Variants in EPG5 observed in about 807,000 individuals in gnomAD.
EPG5 encodes ectopic P granules protein 5 homolog.
In EPG5, 159 loss-of-function variants were observed where a neutral mutation model predicts 302.7. That is an observed-to-expected ratio of 0.53 (90% CI 0.46 to 0.60). EPG5 has a LOEUF of 0.60. EPG5 is among the 20% of genes least tolerant of loss of function. The pLI is 0.00. For missense variants in EPG5, 2,896 were observed against 3,092.4 expected (o/e 0.94, Z 1.51); for synonymous variants, 1,158 against 1,136.8 (o/e 1.02, Z -0.37).
chr18:45,899,050 G>A lies in EPG5; in HGVS notation c.4809+354C>T, dbSNP rs180942561. ...TGGGGCAGGAGAATCACTTGAACCC[G>A]GGAGGTGGAGGTTGCAGTGAGCCAA... is the stretch of plus-strand genomic sequence containing the variant. On this transcript the variant is annotated intron_variant, in intron 27 of 43. Transcript: ENST00000282041. Among the ~76,000 whole-genome samples the A allele has an allele frequency of 8.9e-3, 1,362 of 152,202 alleles. 11 individuals are homozygous for A. Among genetic ancestry groups the A allele is most frequent in the Non-Finnish European group, 0.015 (1,038 of 67,996 alleles).
intron 11 of EPG5, among the ~76,000 whole-genome samples, chr18:45,934,568 G>C (rs1427308982): frequency 6.6e-6 from 1 of 152,198 alleles, no homozygotes; most frequent in Non-Finnish European, 1.5e-5. Context: ...CTTCCTAAAA[G>C]TTAGAATATT....
At chr18:45,920,494 T>C (rs1339262456) in intron 16 of EPG5, among the ~76,000 whole-genome samples, 1 of 152,176 alleles carries the variant, frequency 6.6e-6, no homozygotes, top group Admixed American at 6.5e-5. Context: ...AAAGGCTTAT[T>C]TGAGTCATAA....
At chr18:45,805,898 T>C in the EPG5 span, among the ~76,000 whole-genome samples, 1 of 152,194 alleles carries the variant, frequency 6.6e-6, no homozygotes, top group Non-Finnish European at 1.5e-5. Flanking sequence ...CAACCATAGA[T>C]TTTTGTAGAG....
At chr18:45,884,481 C>A (rs775816682) in intron 30 of EPG5, 136 bp downstream of exon 30, 48 of 698,078 alleles carry the variant, frequency 6.9e-5, no homozygotes, top group Admixed American at 4.3e-4. Flanking sequence ...GAAGCTCATG[C>A]AAACTGTGAA....
the EPG5 span, chr18:45,825,603 G>T: frequency 3.3e-6 from 3 of 919,308 alleles, no homozygotes; most frequent in East Asian, 5.3e-5. Context: ...GAGCCCACAG[G>T]GACCTGCAGA....
intron 23 of EPG5, 132 bp from the exon 24 acceptor site, chr18:45,908,213 C>A: frequency 1.5e-6 from 1 of 650,892 alleles, no homozygotes; most frequent in South Asian, 2.6e-5. Context: ...ATGTGGCCAA[C>A]AACCACCACG....
In EPG5 at chr18:45,870,547, GC is replaced by G. The variant is rs780884400; in HGVS notation, c.6225+19del. The G allele has an allele frequency of 6.2e-7, 1 of 1,608,190 alleles. No individual in the cohort carries two copies. The highest frequency in any genetic ancestry group is 8.5e-7 in the Non-Finnish European group (1 of 1,175,710). On this transcript the variant is annotated intron_variant, in intron 36 of 43. Coordinates refer to ENST00000282041, the MANE Select transcript of EPG5 (RefSeq NM_020964.3). ...AAGCCAGATCTCTCTAGGCTGCGAT[GC>G]CGGGAATGAAGGGCTTACTTTGAAG...
At position 45,956,822 on chromosome 18, in the gene EPG5, T is replaced by C. The variant is rs1412250926; in HGVS notation, c.64-1484A>G. Reference sequence around the variant, plus strand: ...AAGAGGATGAAGGGTGAAGAGTACATGGGAAGTCTCTGTATTATATTTGCA... The same window carrying C: ...AAGAGGATGAAGGGTGAAGAGTACACGGGAAGTCTCTGTATTATATTTGCA... On this transcript the variant is annotated intron_variant, in intron 1 of 43. Coordinates refer to ENST00000282041, the MANE Select transcript of EPG5 (RefSeq NM_020964.3). 3.3e-5 allele frequency among the ~76,000 whole-genome samples: 5 copies of C among 151,948 alleles called. No individual in the cohort carries two copies. The South Asian group carries it at 8.3e-4, about 25-fold the overall frequency.
At position 45,855,626 on chromosome 18, in the gene EPG5, G is replaced by C. The variant is rs767838891; in HGVS notation, c.7504C>G (p.Gln2502Glu). The C allele has an allele frequency of 1.9e-6, 3 of 1,614,180 alleles. No homozygotes were observed. The East Asian group carries it at 6.7e-5, about 36-fold the overall frequency. ...FLSVQVPMEDQIRLRPGSELH... is the reference protein window; with the variant it reads ...FLSVQVPMEDEIRLRPGSELH... ...TCAGAGCCAGGCCTCAAACGGATCT[G>C]ATCTTCCATAGGAACCTGAACTGAA... Residue 2502 changes from glutamine to glutamate, a missense_variant, in exon 43 of 44, where the codon CAG becomes GAG. Gln to Glu is a conservative substitution (Grantham distance 29, BLOSUM62 2). Transcript: ENST00000282041.
At chr18:45,837,225 G>C in the EPG5 span, 1 of 1,400,546 alleles carries the variant, frequency 7.1e-7, no homozygotes, top group Non-Finnish European at 9.4e-7. Context: ...GGGGCCTGCA[G>C]GTGAATTAGG....
chr18:45,882,797 C>T (rs1375356226), intron 30 of EPG5, among the ~76,000 whole-genome samples: 9 of 152,032 alleles, frequency 5.9e-5, no homozygotes, highest in East Asian at 1.9e-4. Flanking sequence ...CACCTGAGGT[C>T]GGGAGTTCAA....
chr18:45,812,273 C>G, the EPG5 span, among the ~76,000 whole-genome samples: 2 of 152,134 alleles, frequency 1.3e-5, no homozygotes, highest in Non-Finnish European at 2.9e-5. Flanking sequence ...AAAGAGGACA[C>G]AAACAAATGG....
chr18:45,884,610 A>T lies in EPG5; in HGVS notation c.5304+7T>A, dbSNP rs767382431. The T allele has an allele frequency of 6.3e-7, 1 of 1,595,126 alleles. No homozygotes were observed. Among genetic ancestry groups the T allele is most frequent in the Non-Finnish European group, 8.5e-7 (1 of 1,173,584 alleles). ...AACAATATGGTGAGGATGGAATTAC[A>T]TCTTACCTTGGTTAGCAGCATGAAA... is the stretch of plus-strand genomic sequence containing the variant. On this transcript the variant is annotated splice_region_variant and intron_variant, in intron 30 of 43. Transcript: ENST00000282041.
chr18:45,893,122 G>A (rs1429913902), intron 27 of EPG5, among the ~76,000 whole-genome samples: 3 of 152,142 alleles, frequency 2.0e-5, no homozygotes, highest in Non-Finnish European at 2.9e-5. Flanking sequence ...AAAACGACCT[G>A]GCAATATTGA....
Position 45,930,805 on chromosome 18 carries a change from C to A in EPG5, c.2283G>T (p.Glu761Asp). Reference protein sequence around the residue: ...LQDPEHFTNFEKCLSSMNSSE... With the variant: ...LQDPEHFTNFDKCLSSMNSSE... The stretch of plus-strand genomic sequence containing the variant: ...AGCTATTCATAGAAGAAAGACACTT[C>A]TCAAAGTTGGTAAAATGTTCTGGGT... The change falls in exon 12 of 44, where the codon GAG becomes GAT. Residue 761 changes from glutamate (E) to aspartate (D), a missense_variant. Transcript: ENST00000282041. 5.6e-6 allele frequency: 9 copies of A among 1,597,722 alleles called. No individual in the cohort carries two copies. The highest frequency in any genetic ancestry group is 7.7e-6 in the Non-Finnish European group (9 of 1,175,594).
chr18:45,838,134 C>T, the EPG5 span, among the ~76,000 whole-genome samples: 1 of 152,204 alleles, frequency 6.6e-6, no homozygotes, highest in East Asian at 1.9e-4. Context: ...ATAGGCATTG[C>T]CGTGACTCTC....
chr18:45,812,921 G>A, the EPG5 span, among the ~76,000 whole-genome samples: 1 of 152,308 alleles, frequency 6.6e-6, no homozygotes, highest in South Asian at 2.1e-4. Context: ...TGACAAGTGG[G>A]ATCTGATTAA....
intron 1 of EPG5, among the ~76,000 whole-genome samples, chr18:45,959,823 C>G (rs1188500573): frequency 6.6e-6 from 1 of 151,598 alleles, no homozygotes; most frequent in Admixed American, 6.6e-5. Context: ...TTACTAAATA[C>G]AAAAAATTAG....
intron 20 of EPG5, 23 bp from the exon 21 acceptor site, chr18:45,913,851 G>A (rs745822954): frequency 8.7e-6 from 14 of 1,609,284 alleles, no homozygotes; most frequent in Non-Finnish European, 1.2e-5. Context: ...CAGATAAAGG[G>A]GAGGGGAAGG....
Sources: allele counts gnomAD v4.1 joint callset (sites outside exome capture counted in the v4.1 genomes callset), GRCh38; gene constraint gnomAD v4.1.1; transcripts MANE v1.5; gene names NCBI Gene and HGNC (gene_info 2026-07-23, HGNC 2026-07-21).